HPS4: variants seen among roughly 807,000 people sequenced by gnomAD.
HPS4 encodes the protein HPS4 biogenesis of lysosomal organelles complex 3 subunit 2.
A neutral mutation model predicts 70.3 loss-of-function variants in HPS4; 44 were observed. That is an observed-to-expected ratio of 0.63 (90% confidence interval 0.49 to 0.80). The LOEUF (loss-of-function observed/expected upper bound fraction) is 0.80, where lower values mean the gene tolerates loss of function less well. Ranked by LOEUF, HPS4 falls within the 30% of genes least tolerant of loss-of-function variation. The pLI, the probability that HPS4 is intolerant of heterozygous loss-of-function variation, is 0.00. For synonymous variants in HPS4, 377 were observed against 355.9 expected (o/e 1.06, Z -0.67); for missense variants, 873 against 884.4 (o/e 0.99, Z 0.16).
chr22:26,464,456 C>CA lies in HPS4; in HGVS notation c.1173dup (p.Val392CysfsTer27). The CA allele has an allele frequency of 6.2e-7, 1 of 1,614,216 alleles. No homozygotes were observed. ...GGAGCCCTGCCATCTGGAACAGGCA[C>CA]ATGTAGGAAGGCAAAATGACCTGAG... On this transcript the variant is annotated frameshift_variant, in exon 11 of 14. Coordinates refer to ENST00000398145, the MANE Select transcript of HPS4 (RefSeq NM_022081.6). LOFTEE classifies it high-confidence loss of function.
intron 2 of HPS4, 186 bp from the exon 3 acceptor site, chr22:26,479,541 A>G: frequency 7.0e-7 from 1 of 1,423,086 alleles, no homozygotes; most frequent in Non-Finnish European, 9.1e-7. Flanking sequence ...AGCGCAGGAA[A>G]TTCAAACTAA....
rs745683701 is a variant in HPS4 at position 26,466,032 on chromosome 22, C to A, written c.706+194G>T. ...CTGAAAGCAGGGATTTGACAGCATG[C>A]CTAAAATCATAGCTTTACCATTAGG... On this transcript the variant is annotated intron_variant, in intron 9 of 13. Coordinates refer to ENST00000398145, the MANE Select transcript of HPS4 (RefSeq NM_022081.6). The A allele has an allele frequency of 1.9e-5, 29 of 1,526,226 alleles. No individual in the cohort carries two copies. The South Asian group carries it at 3.4e-4, about 18-fold the overall frequency. The allele number at this position is 1,526,226 out of a possible 1,614,324, so 94.5% of individuals were successfully genotyped here.
chr22:26,475,342 A>C (rs2090381888), intron 4 of HPS4: 1 of 146,182 alleles, frequency 6.8e-6, no homozygotes, highest in Non-Finnish European at 1.5e-5. Context: ...ACAAGCATTA[A>C]ATTTCTTTTT....
At position 26,458,535 on chromosome 22, in the gene HPS4, G is replaced by A. The variant is rs756278524; in HGVS notation, c.1756C>T (p.Leu586=). ...TCATCCCTGGGCAGCGTCTCTTTCA[G>A]GTGGACTTCCAGCCCATTCAGTGAA... ...LASLNGLEVH[L]KETLPRDEAA... The change falls in exon 12 of 14, where the codon CTG becomes TTG. Residue 586 remains leucine, a synonymous_variant. Coordinates refer to ENST00000398145, the MANE Select transcript of HPS4 (RefSeq NM_022081.6). 6.2e-7 allele frequency: 1 copy of A among 1,614,138 alleles called. No individual in the cohort carries two copies. The highest frequency in any genetic ancestry group is 8.5e-7 in the Non-Finnish European group (1 of 1,180,022).
At chr22:26,443,298 T>C, downstream of HPS4, 1 of 1,078,820 alleles carries the variant, frequency 9.3e-7, no homozygotes, top group Non-Finnish European at 1.4e-6. Context: ...GTTGTTTCCA[T>C]GCTCAGAAAC....
intron 7 of HPS4, among the ~76,000 whole-genome samples, chr22:26,469,645 GT>G (rs1167773957): frequency 7.0e-6 from 1 of 143,144 alleles, no homozygotes; most frequent in African/African-American, 2.6e-5. Flanking sequence ...GAAGCCAGGT[GT>G]TTGAGACCAG....
At chr22:26,445,850 A>G (rs1394261984) in intron 3 of HPS4, among the ~76,000 whole-genome samples, 1 of 152,216 alleles carries the variant, frequency 6.6e-6, no homozygotes, top group African/African-American at 2.4e-5. Context: ...ACAGAGGAAG[A>G]AACATGTCCC....
At chr22:26,443,421 T>C (rs2084872445), downstream of HPS4, 1 of 509,082 alleles carries the variant, frequency 2.0e-6, no homozygotes, top group Admixed American at 3.6e-5. Context: ...TTTTTTTTTT[T>C]TCCTTCCAAT....
At chr22:26,476,861 G>A (rs1445825907) in intron 4 of HPS4, 132 bp downstream of exon 4, 16 of 932,346 alleles carry the variant, frequency 1.7e-5, no homozygotes, top group African/African-American at 1.6e-4. Context: ...AGGAAGCGAG[G>A]GTGATTACTA....
intron 13 of HPS4, among the ~76,000 whole-genome samples, chr22:26,455,818 A>G (rs1000403114): frequency 6.6e-6 from 1 of 152,134 alleles, no homozygotes; most frequent in Non-Finnish European, 1.5e-5. Context: ...GCCTTGAGCT[A>G]TGTGTCTCAA....
chr22:26,466,634 C>T (rs1569077884), intron 8 of HPS4: 1 of 347,562 alleles, frequency 2.9e-6, no homozygotes, highest in East Asian at 6.2e-5. Context: ...CTGCCACAGC[C>T]CTGATGTAGA....
At chr22:26,457,365 C>T (rs2086340517) in intron 13 of HPS4, among the ~76,000 whole-genome samples, 1 of 151,918 alleles carries the variant, frequency 6.6e-6, no homozygotes, top group Non-Finnish European at 1.5e-5. Context: ...TACAGGCACC[C>T]ACCACCCTGC....
At position 26,463,873 on chromosome 22, in the gene HPS4, G is replaced by A. The variant is rs778910458; in HGVS notation, c.1713+44C>T. ...TGCTGTGAGGGAAGCACAGGAGATC[G>A]GCAGAGGCCGCAGAGGGGCAGGAGA... On this transcript the variant is annotated intron_variant, in intron 11 of 13. Coordinates refer to ENST00000398145, the MANE Select transcript of HPS4 (RefSeq NM_022081.6). 1.6e-5 allele frequency: 26 copies of A among 1,594,836 alleles called. No individual in the cohort carries two copies. The Middle Eastern group carries it at 2.7e-3, about 163-fold the overall frequency.
At position 26,457,909 on chromosome 22, in the gene HPS4, C is replaced by A. The variant is rs763308032; in HGVS notation, c.1905G>T (p.Leu635=). 1 of 1,614,100 alleles carries A rather than the reference C, an allele frequency of 6.2e-7. No homozygotes were observed. The highest frequency in any genetic ancestry group is 1.3e-5 in the African/African-American group (1 of 74,946). The change falls in exon 13 of 14, where the codon CTG becomes CTT. Residue 635 remains leucine, a synonymous_variant. Coordinates refer to ENST00000398145, the MANE Select transcript of HPS4 (RefSeq NM_022081.6). Reference sequence around the variant, plus strand: ...GCAGCTGGGCAAATTCGCTATGCATCAGGCTGACGGCCTGGAGGAAGCGGC... The same window carrying A: ...GCAGCTGGGCAAATTCGCTATGCATAAGGCTGACGGCCTGGAGGAAGCGGC... ...QDRRFLQAVS[L]MHSEFAQLPA...
intron 4 of HPS4, chr22:26,476,566 T>A (rs1304215426): frequency 1.0e-5 from 2 of 190,960 alleles, no homozygotes; most frequent in Non-Finnish European, 2.2e-5. Flanking sequence ...CAGGCTGATA[T>A]CGAACTCCTG....
rs1484069420 is a variant in HPS4 at position 26,482,093 on chromosome 22, C to T, written c.-331G>A. On this transcript the variant is annotated 5_prime_UTR_variant, in exon 2 of 14. Transcript: ENST00000398145. ...GTGGCTGTCTGCAGAACCACCTCTT[C>T]AAGCTCCTCTCCAGGAAAGCCAAAA... 3 of 347,102 alleles carry T rather than the reference C, an allele frequency of 8.6e-6. No individual in the cohort carries two copies. The highest frequency in any genetic ancestry group is 4.2e-5 in the African/African-American group (2 of 47,168). The allele number at this position is 347,102 out of a possible 1,614,324, so 21.5% of individuals were successfully genotyped here.
Position 26,464,840 on chromosome 22 carries a change from G to T in HPS4, c.804-14C>A. The stretch of plus-strand genomic sequence containing the variant: ...GATGCTAGAGACCTGGCAAACAAGA[G>T]AGATGTAAGGAAGGGGCACGTTGAC... On this transcript the variant is annotated splice_polypyrimidine_tract_variant and intron_variant, in intron 10 of 13. Coordinates refer to ENST00000398145, the MANE Select transcript of HPS4 (RefSeq NM_022081.6). 6.3e-7 allele frequency: 1 copy of T among 1,585,744 alleles called. No individual in the cohort carries two copies. The highest frequency in any genetic ancestry group is 8.5e-7 in the Non-Finnish European group (1 of 1,169,738).
In HPS4 at chr22:26,483,726, G is replaced by C. The variant is rs1302613979; in HGVS notation, c.-531C>G. The stretch of plus-strand genomic sequence containing the variant: ...GGGTTCGGGACTCTGGACCAGAAAT[G>C]TGGGCAGCAGCTGGGTACCTGCGAC... On this transcript the variant is annotated 5_prime_UTR_variant, in exon 1 of 14. Transcript: ENST00000398145. 3 of 439,976 alleles carry C rather than the reference G, an allele frequency of 6.8e-6. No individual in the cohort carries two copies. Among genetic ancestry groups the C allele is most frequent in the African/African-American group, 2.1e-5 (1 of 48,322 alleles). The allele number at this position is 439,976 out of a possible 1,614,324, so 27.3% of individuals were successfully genotyped here.
chr22:26,453,220 T>A lies in HPS4; in HGVS notation c.*13A>T, dbSNP rs2085492912. 1 of 1,613,818 alleles carries A rather than the reference T, an allele frequency of 6.2e-7. No individual in the cohort carries two copies. The highest frequency in any genetic ancestry group is 2.2e-5 in the East Asian group (1 of 44,884). ...GCTGGTTTTCTCCTTCCCAGTCACCTCCTGGGTGCAGTTCAGAGCAAGTTC... is the reference window on the plus strand; with the variant it reads ...GCTGGTTTTCTCCTTCCCAGTCACCACCTGGGTGCAGTTCAGAGCAAGTTC... On this transcript the variant is annotated 3_prime_UTR_variant, in exon 14 of 14. Transcript: ENST00000398145.
Sources: allele counts gnomAD v4.1 joint callset (sites outside exome capture counted in the v4.1 genomes callset), GRCh38; gene constraint gnomAD v4.1.1; transcripts MANE v1.5; gene names NCBI Gene and HGNC (gene_info 2026-07-23, HGNC 2026-07-21).